Variants in PRAP1 observed in about 807,000 individuals in gnomAD.
PRAP1 encodes the protein proline-rich acidic protein 1.
A neutral mutation model predicts 14.6 loss-of-function variants in PRAP1; 12 were observed. The ratio of observed to expected loss-of-function variants is 0.82; its 90% CI spans 0.53 to 1.33. The LOEUF (loss-of-function observed/expected upper bound fraction) is 1.33, where lower values mean the gene tolerates loss of function less well. Ranked by LOEUF, PRAP1 falls within the 40% of genes most tolerant of loss-of-function variation. The pLI, the probability that PRAP1 is intolerant of heterozygous loss-of-function variation, is 0.00. For synonymous variants in PRAP1, 81 were observed against 80.3 expected (o/e 1.01, Z -0.04); for missense variants, 160 against 193.7 (o/e 0.83, Z 1.03).
Position 133,350,104 on chromosome 10 carries a change from G to C in PRAP1, c.18G>C (p.Leu6=). Residue 6 remains leucine, a synonymous_variant, in exon 2 of 5, where the codon CTG becomes CTC. Coordinates refer to ENST00000433452, the MANE Select transcript of PRAP1 (RefSeq NM_145202.5). ...TCTGGCCCCCCCTCAGGCTCCTCCT[G>C]GTCACCAGCCTGGTGGTTGTGCTGC... MRRLL[L]VTSLVVVLLW... is the part of the protein sequence containing the mutation. 1 of 1,613,472 alleles carries C rather than the reference G, an allele frequency of 6.2e-7. No individual in the cohort carries two copies. Among genetic ancestry groups the C allele is most frequent in the Non-Finnish European group, 8.5e-7 (1 of 1,179,792 alleles).
Position 133,352,679 on chromosome 10 carries a change from C to A in PRAP1, c.*239C>A. The A allele has an allele frequency of 2.3e-6, 1 of 439,020 alleles. No homozygotes were observed. The highest frequency in any genetic ancestry group is 3.0e-5 in the South Asian group (1 of 33,164). The allele number at this position is 439,020 out of a possible 1,614,324, so 27.2% of individuals were successfully genotyped here. ...TCTCTACTAAAAATACAAAAATTAG[C>A]CGGGTATGGTGCCGGGTGCCTGTAA... On this transcript the variant is annotated 3_prime_UTR_variant, in exon 5 of 5. Coordinates refer to ENST00000433452, the MANE Select transcript of PRAP1 (RefSeq NM_145202.5).
rs182353406 is a variant in PRAP1 at position 133,352,275 on chromosome 10, C to T, written c.291C>T (p.Asp97=). 6.2e-7 allele frequency: 1 copy of T among 1,613,122 alleles called. No homozygotes were observed. The highest frequency in any genetic ancestry group is 1.7e-5 in the Admixed American group (1 of 60,010). The change falls in exon 5 of 5, where the codon GAC becomes GAT. Residue 97 remains aspartate (D), a synonymous_variant. Coordinates refer to ENST00000433452, the MANE Select transcript of PRAP1 (RefSeq NM_145202.5). ...CCAAGGCCTGGATGGAGACCGAGGA[C>T]ACCCTGGGCCATGTCCTGAGTCCCG... ...PGTKAWMETE[D]TLGHVLSPEP... is the part of the protein sequence containing the mutation.
Position 133,351,651 on chromosome 10 carries a change from G to C in PRAP1, c.128+218G>C, listed in dbSNP as rs558931980. 2.0e-5 allele frequency among the ~76,000 whole-genome samples: 3 copies of C among 152,322 alleles called. No homozygotes were observed. On this transcript the variant is annotated intron_variant, in intron 3 of 4. Coordinates refer to ENST00000433452, the MANE Select transcript of PRAP1 (RefSeq NM_145202.5). The surrounding 1 kb of genome is among the most constrained non-coding windows in gnomAD (Gnocchi z 4.3). ...CAGCCGGAGGGCTTGGGGCTCCACGGTGTCTCCCTACTCAGCTTCCCCACA... is the reference window on the plus strand; with the variant it reads ...CAGCCGGAGGGCTTGGGGCTCCACGCTGTCTCCCTACTCAGCTTCCCCACA...
At position 133,348,301 on chromosome 10, in the gene PRAP1, G is replaced by A. The variant is rs928558034; in HGVS notation, c.8+876G>A. Among the ~76,000 whole-genome samples the A allele has an allele frequency of 1.5e-4, 23 of 152,120 alleles. 1 individual carries two copies. The highest frequency in any genetic ancestry group is 1.0e-3 in the Admixed American group (16 of 15,272). On this transcript the variant is annotated intron_variant, in intron 1 of 4. Coordinates refer to ENST00000433452, the MANE Select transcript of PRAP1 (RefSeq NM_145202.5). ...GGTCCTGAGGAGAAGCAGGGCCCCCGAACCAGACCAGACCAGGTCCCGGCC... is the reference window on the plus strand; with the variant it reads ...GGTCCTGAGGAGAAGCAGGGCCCCCAAACCAGACCAGACCAGGTCCCGGCC...
At position 133,352,094 on chromosome 10, in the gene PRAP1, C is replaced by T. The variant is rs998004507; in HGVS notation, c.216C>T (p.Thr72=). The T allele has an allele frequency of 5.0e-6, 8 of 1,613,112 alleles. No homozygotes were observed. The highest frequency in any genetic ancestry group is 6.8e-6 in the Non-Finnish European group (8 of 1,179,978). The change falls in exon 4 of 5, where the codon ACC becomes ACT. Residue 72 remains threonine, a synonymous_variant. Transcript: ENST00000433452. ...CTGTCCAGAAGCCGAAACTCTTGAC[C>T]ACCGAGGAGAAGCCACGAGGTCAGG... ...LFPVQKPKLL[T]TEEKPRGQGR...
intron 1 of PRAP1, among the ~76,000 whole-genome samples, chr10:133,349,211 T>C (rs1334833191): frequency 6.9e-6 from 1 of 144,598 alleles, no homozygotes; most frequent in East Asian, 2.0e-4. Flanking sequence ...ACAACATACA[T>C]ACACATCCAA....
chr10:133,349,554 C>A (rs1314300555), intron 1 of PRAP1, among the ~76,000 whole-genome samples: 3 of 152,334 alleles, frequency 2.0e-5, no homozygotes, highest in African/African-American at 7.2e-5. Context: ...TCCGAACTGA[C>A]CTGACACCCT....
Position 133,351,978 on chromosome 10 carries a change from A to C in PRAP1, c.129-29A>C, listed in dbSNP as rs754789840. 1.9e-6 allele frequency: 3 copies of C among 1,609,182 alleles called. No homozygotes were observed. The highest frequency in any genetic ancestry group is 2.7e-5 in the African/African-American group (2 of 74,834). On this transcript the variant is annotated intron_variant, in intron 3 of 4. Coordinates refer to ENST00000433452, the MANE Select transcript of PRAP1 (RefSeq NM_145202.5). This position sits in a 1 kb window ranked among gnomAD's most constrained non-coding sequence, Gnocchi z 4.3. ...GGTTCTGTCCACCTCCCCCACCTGCATGTGGACCTGACCAAACTGTGCCAG... is the reference window on the plus strand; with the variant it reads ...GGTTCTGTCCACCTCCCCCACCTGCCTGTGGACCTGACCAAACTGTGCCAG...
intron 1 of PRAP1, among the ~76,000 whole-genome samples, chr10:133,348,530 CAG>C (rs1388437200): frequency 1.3e-5 from 2 of 150,196 alleles, no homozygotes; most frequent in African/African-American, 2.5e-5. Flanking sequence ...TTTTTTGAGA[CAG>C]AGTGTCTCGC....
At position 133,347,837 on chromosome 10, in the gene PRAP1, G is replaced by A. The variant is rs1327830418; in HGVS notation, c.8+412G>A. ...TGATCTGGAGCTCAGGGAAGCACCC[G>A]GGCTCCCGCTGGACCCTGGAATCAG... On this transcript the variant is annotated intron_variant, in intron 1 of 4. Coordinates refer to ENST00000433452, the MANE Select transcript of PRAP1 (RefSeq NM_145202.5). The surrounding 1 kb of genome is among the most constrained non-coding windows in gnomAD (Gnocchi z 5.0). 1.3e-5 allele frequency among the ~76,000 whole-genome samples: 2 copies of A among 152,156 alleles called. No individual in the cohort carries two copies. The highest frequency in any genetic ancestry group is 1.9e-4 in the East Asian group (1 of 5,176).
chr10:133,348,573 G>T (rs140526819), intron 1 of PRAP1, among the ~76,000 whole-genome samples: 9 of 151,986 alleles, frequency 5.9e-5, no homozygotes, highest in Non-Finnish European at 1.0e-4. Context: ...GACTGCAGTG[G>T]CGCCATCTTG....
Position 133,351,970 on chromosome 10 carries a change from C to T in PRAP1, c.129-37C>T. 1 of 1,605,612 alleles carries T rather than the reference C, an allele frequency of 6.2e-7. No homozygotes were observed. Among genetic ancestry groups the T allele is most frequent in the Non-Finnish European group, 8.5e-7 (1 of 1,177,666 alleles). ...CTGCGGGGGGTTCTGTCCACCTCCC[C>T]CACCTGCATGTGGACCTGACCAAAC... On this transcript the variant is annotated intron_variant, in intron 3 of 4. Transcript: ENST00000433452. The surrounding 1 kb of genome is among the most constrained non-coding windows in gnomAD (Gnocchi z 4.3).
Position 133,347,906 on chromosome 10 carries a change from G to C in PRAP1, c.8+481G>C, listed in dbSNP as rs1018572404. On this transcript the variant is annotated intron_variant, in intron 1 of 4. Coordinates refer to ENST00000433452, the MANE Select transcript of PRAP1 (RefSeq NM_145202.5). This position sits in a 1 kb window ranked among gnomAD's most constrained non-coding sequence, Gnocchi z 5.0. The stretch of plus-strand genomic sequence containing the variant: ...GGGGGTGTCTGTCTTCCCCCTCCTT[G>C]TGTGGGGGACCCCTCTCCCCGCTCC... 5.3e-5 allele frequency among the ~76,000 whole-genome samples: 8 copies of C among 152,110 alleles called. No homozygotes were observed. Among genetic ancestry groups the C allele is most frequent in the Admixed American group, 5.2e-4 (8 of 15,270 alleles).
Position 133,351,069 on chromosome 10 carries a change from T to G in PRAP1, c.76-312T>G, listed in dbSNP as rs1242529292. On this transcript the variant is annotated intron_variant, in intron 2 of 4. Coordinates refer to ENST00000433452, the MANE Select transcript of PRAP1 (RefSeq NM_145202.5). The surrounding 1 kb of genome is among the most constrained non-coding windows in gnomAD (Gnocchi z 4.3). ...ACAGCCAGTGCATTGACGGCCAGGG[T>G]TGGGAGTGCTAGGTCAGGGATACGG... 6.6e-6 allele frequency among the ~76,000 whole-genome samples: 1 copy of G among 151,430 alleles called. No individual in the cohort carries two copies. The highest frequency in any genetic ancestry group is 2.4e-5 in the African/African-American group (1 of 41,154).
In PRAP1 at chr10:133,350,986, C is replaced by G. The variant is rs535930649; in HGVS notation, c.76-395C>G. On this transcript the variant is annotated intron_variant, in intron 2 of 4. Transcript: ENST00000433452. ...GGCTCAGAGCGGCTGACCGCGTTCT[C>G]TCGGCACCAGCCAGGAAGGGGTGGT... Among the ~76,000 whole-genome samples, 30 of 151,910 alleles carry G rather than the reference C, an allele frequency of 2.0e-4. 1 individual carries two copies. In the South Asian group the frequency reaches 5.8e-3, roughly 29 times the overall value.
intron 2 of PRAP1, chr10:133,350,438 C>T (rs535516052): frequency 1.5e-5 from 6 of 389,674 alleles, no homozygotes; most frequent in Non-Finnish European, 2.8e-5. Flanking sequence ...CCCAGGTGGA[C>T]GAGGTGGGTC....
At chr10:133,348,913 A>C (rs1451477780) in intron 1 of PRAP1, among the ~76,000 whole-genome samples, 1 of 151,840 alleles carries the variant, frequency 6.6e-6, no homozygotes, top group Non-Finnish European at 1.5e-5. Flanking sequence ...TGCCCACCTC[A>C]GCCTCCCAAA....
At position 133,347,494 on chromosome 10, in the gene PRAP1, G is replaced by T. The variant is rs57932857; in HGVS notation, c.8+69G>T. ...CCTGGAGGCCTGGCCCTTAGCCAGAGGGGGCCCAGCTGTGCTGCGCTCCAG... is the reference window on the plus strand; with the variant it reads ...CCTGGAGGCCTGGCCCTTAGCCAGATGGGGCCCAGCTGTGCTGCGCTCCAG... On this transcript the variant is annotated intron_variant, in intron 1 of 4. Coordinates refer to ENST00000433452, the MANE Select transcript of PRAP1 (RefSeq NM_145202.5). The surrounding 1 kb of genome is among the most constrained non-coding windows in gnomAD (Gnocchi z 5.0). 6.6e-7 allele frequency: 1 copy of T among 1,523,816 alleles called. No homozygotes were observed. The allele number at this position is 1,523,816 out of a possible 1,614,324, so 94.4% of individuals were successfully genotyped here.
rs1305225927 is a variant in PRAP1 at position 133,351,336 on chromosome 10, C to G, written c.76-45C>G. 6.4e-7 allele frequency: 1 copy of G among 1,567,456 alleles called. No homozygotes were observed. The highest frequency in any genetic ancestry group is 8.7e-7 in the Non-Finnish European group (1 of 1,146,236). The stretch of plus-strand genomic sequence containing the variant: ...GCAACCTCTCCCCAGGTGTCCTCCA[C>G]CCGCGTGGACTGTGGCCCAGCCCAC... On this transcript the variant is annotated intron_variant, in intron 2 of 4. Coordinates refer to ENST00000433452, the MANE Select transcript of PRAP1 (RefSeq NM_145202.5). This position sits in a 1 kb window ranked among gnomAD's most constrained non-coding sequence, Gnocchi z 4.3.
Sources: gnomAD v4.1 joint callset for allele counts (sites outside exome capture counted in the v4.1 genomes callset) on GRCh38, gnomAD v4.1.1 for gene constraint, Gnocchi (gnomAD v3.1) non-coding constraint, MANE v1.5 for transcripts, NCBI Gene and HGNC (gene_info 2026-07-23, HGNC 2026-07-21) for gene names.